Variants in OR2L13 observed in about 807,000 individuals in gnomAD.
OR2L13 encodes the protein olfactory receptor family 2 subfamily L member 13.
A neutral mutation model predicts 15.3 loss-of-function variants in OR2L13; 14 were observed. That is an observed-to-expected ratio of 0.91 (90% CI 0.60 to 1.43). The LOEUF (loss-of-function observed/expected upper bound fraction) is 1.43, where lower values mean the gene tolerates loss of function less well. OR2L13 is among the 40% of genes most tolerant of loss of function. OR2L13 has a pLI of 0.00. For missense variants in OR2L13, 367 were observed against 387.9 expected, an observed-to-expected ratio of 0.95 and a Z score of 0.45; for synonymous variants, 152 against 142.9, an observed-to-expected ratio of 1.06 and a Z score of -0.45.
At chr1:247,965,966 A>G in the OR2L13 span, 2 of 1,609,922 alleles carry the variant, frequency 1.2e-6, no homozygotes, top group Non-Finnish European at 1.7e-6. Context: ...CAGTATGAGT[A>G]TACAGTCCTC....
At chr1:247,951,094 TAG>T in the OR2L13 span, among the ~76,000 whole-genome samples, 3 of 152,168 alleles carry the variant, frequency 2.0e-5, no homozygotes, top group Non-Finnish European at 4.4e-5. Flanking sequence ...ATCAGTTAGC[TAG>T]AGATACGTGG....
chr1:247,985,074 A>G, the OR2L13 span, among the ~76,000 whole-genome samples: 1 of 152,086 alleles, frequency 6.6e-6, no homozygotes, highest in Non-Finnish European at 1.5e-5. Context: ...TCACTTTTAC[A>G]ACTGAATATG....
At chr1:247,980,973 C>G in the OR2L13 span, 1 of 152,164 alleles carries the variant, frequency 6.6e-6, no homozygotes, top group South Asian at 2.1e-4. Context: ...TTTTATTGAT[C>G]ACAGGGAAGA....
the OR2L13 span, among the ~76,000 whole-genome samples, chr1:248,079,309 C>T: frequency 6.6e-6 from 1 of 151,874 alleles, no homozygotes; most frequent in East Asian, 1.9e-4. Flanking sequence ...ATAACGGCAA[C>T]AAAAATTCAA....
chr1:248,011,830 C>T, the OR2L13 span, among the ~76,000 whole-genome samples: 2 of 152,262 alleles, frequency 1.3e-5, no homozygotes, highest in Admixed American at 1.3e-4. Flanking sequence ...TATCAATCCT[C>T]CTGCCCTCAG....
At chr1:248,043,428 T>C in the OR2L13 span, among the ~76,000 whole-genome samples, 1 of 152,180 alleles carries the variant, frequency 6.6e-6, no homozygotes, top group Non-Finnish European at 1.5e-5. Context: ...AGATATGGAA[T>C]ATGTGAGAAG....
exon 3 of OR2L13, chr1:248,100,846 T>C (rs1664845003): frequency 6.0e-6 from 1 of 167,066 alleles, no homozygotes; most frequent in South Asian, 2.1e-4. Context: ...ATGTATGGTG[T>C]ATACAAACAT....
chr1:248,023,629 C>G, the OR2L13 span: 1 of 152,212 alleles, frequency 6.6e-6, no homozygotes, highest in African/African-American at 2.4e-5. Flanking sequence ...ATCAGCAAGT[C>G]TATACATCTT....
chr1:248,099,662 G>C (rs1272730961), exon 3 of OR2L13: 1 of 1,614,192 alleles, frequency 6.2e-7, no homozygotes, highest in South Asian at 1.1e-5. Context: ...TTCCTGGGAT[G>C]TGGTGTGCAA....
At chr1:248,035,303 A>G in the OR2L13 span, among the ~76,000 whole-genome samples, 1 of 152,042 alleles carries the variant, frequency 6.6e-6, no homozygotes, top group Non-Finnish European at 1.5e-5. Context: ...ACAAAAATTT[A>G]GCCAGCTTGG....
the OR2L13 span, among the ~76,000 whole-genome samples, chr1:247,956,149 G>A: frequency 6.6e-6 from 1 of 150,576 alleles, no homozygotes; most frequent in African/African-American, 2.4e-5. Context: ...TCCAGTTTCA[G>A]CTTTCTACAT....
the OR2L13 span, among the ~76,000 whole-genome samples, chr1:247,982,981 C>T: frequency 3.5e-3 from 525 of 152,076 alleles, 3 homozygotes; most frequent in African/African-American, 0.012. Flanking sequence ...ATAGACCACA[C>T]ATTTTAAAGA....
At chr1:248,019,339 A>G in the OR2L13 span, among the ~76,000 whole-genome samples, 5 of 152,138 alleles carry the variant, frequency 3.3e-5, no homozygotes, top group Non-Finnish European at 7.4e-5. Flanking sequence ...TAACATTGAG[A>G]TGACTTTTTC....
the OR2L13 span, chr1:247,991,019 A>C: frequency 3.3e-6 from 5 of 1,529,002 alleles, no homozygotes; most frequent in Non-Finnish European, 4.5e-6. Flanking sequence ...ACTTTCTACT[A>C]TGCACCCTTT....
the OR2L13 span, among the ~76,000 whole-genome samples, chr1:248,007,185 A>G: frequency 6.6e-6 from 1 of 152,136 alleles, no homozygotes; most frequent in Non-Finnish European, 1.5e-5. Flanking sequence ...TGACTGAAAA[A>G]CAATATGGAT....
chr1:247,995,274 C>A, the OR2L13 span, among the ~76,000 whole-genome samples: 1 of 152,292 alleles, frequency 6.6e-6, no homozygotes, highest in East Asian at 1.9e-4. Flanking sequence ...TCTCATAGAT[C>A]CCACTATTTC....
the OR2L13 span, among the ~76,000 whole-genome samples, chr1:248,074,094 A>G: frequency 6.6e-6 from 1 of 152,152 alleles, no homozygotes; most frequent in Non-Finnish European, 1.5e-5. Flanking sequence ...TGTTTGACAA[A>G]ATACTTTTCT....
At chr1:248,072,053 C>T in the OR2L13 span, among the ~76,000 whole-genome samples, 5 of 151,274 alleles carry the variant, frequency 3.3e-5, no homozygotes, top group Non-Finnish European at 7.4e-5. Context: ...CCATACTGCC[C>T]AAGGTAATTT....
the OR2L13 span, among the ~76,000 whole-genome samples, chr1:248,025,540 G>T: frequency 6.7e-6 from 1 of 149,378 alleles, no homozygotes; most frequent in Non-Finnish European, 1.5e-5. Context: ...AGTCAGTGTG[G>T]CGATTCCTCA....
Sources: gnomAD v4.1 joint callset for allele counts (sites outside exome capture counted in the v4.1 genomes callset) on GRCh38, gnomAD v4.1.1 for gene constraint, MANE v1.5 for transcripts, NCBI Gene and HGNC (gene_info 2026-07-23, HGNC 2026-07-21) for gene names.